Variants in GALNT13 observed in about 807,000 individuals in gnomAD.
GALNT13 encodes polypeptide N-acetylgalactosaminyltransferase 13, also known as UDP-GalNAc:polypeptide N-acetylgalactosaminyltransferase 13.
A neutral mutation model predicts 64.2 loss-of-function variants in GALNT13; 28 were observed. The observed-to-expected ratio is 0.44, with a 90% CI of 0.32 to 0.60. The LOEUF (loss-of-function observed/expected upper bound fraction) is 0.60. GALNT13 is among the 20% of genes least tolerant of loss of function. The pLI is 0.05. For missense variants in GALNT13, 577 were observed against 669.8 expected, an observed-to-expected ratio of 0.86 and a Z score of 1.53; for synonymous variants, 214 against 224.6, an observed-to-expected ratio of 0.95 and a Z score of 0.42.
rs143509562 is a variant in GALNT13 at position 154,252,653 on chromosome 2, G to A, written c.858-6368G>A. On this transcript the variant is annotated intron_variant, in intron 7 of 12. Transcript: ENST00000392825. ...TTACAGGCGTGAGCCACCACTCCCC[G>A]CTAGGAAAAATGTATTTCTAATTAA... Among the ~76,000 whole-genome samples the A allele has an allele frequency of 2.4e-3, 358 of 152,026 alleles. 1 individual carries two copies. The highest frequency in any genetic ancestry group is 0.017 in the Middle Eastern group (5 of 294).
At chr2:153,643,294 A>G in the GALNT13 span, among the ~76,000 whole-genome samples, 13 of 151,526 alleles carry the variant, frequency 8.6e-5, no homozygotes, top group Admixed American at 8.6e-4. Flanking sequence ...AAAAATAAGC[A>G]ATACTTTAGG....
the GALNT13 span, among the ~76,000 whole-genome samples, chr2:153,215,643 C>T: frequency 2.6e-3 from 399 of 152,078 alleles, no homozygotes; most frequent in African/African-American, 9.2e-3. Flanking sequence ...GATGCTTTCT[C>T]TAGTATTCTG....
chr2:153,210,253 C>G, the GALNT13 span, among the ~76,000 whole-genome samples: 1 of 152,042 alleles, frequency 6.6e-6, no homozygotes, highest in Non-Finnish European at 1.5e-5. Context: ...TGCTTTGCTT[C>G]CAGTCTTAAG....
the GALNT13 span, among the ~76,000 whole-genome samples, chr2:153,584,292 A>G: frequency 7.2e-5 from 11 of 152,156 alleles, no homozygotes; most frequent in Non-Finnish European, 1.5e-4. Flanking sequence ...GTCCAATTTC[A>G]CTGCTCCCCT....
At chr2:153,714,456 A>G in the GALNT13 span, among the ~76,000 whole-genome samples, 1 of 152,174 alleles carries the variant, frequency 6.6e-6, no homozygotes, top group Admixed American at 6.5e-5. Context: ...TGCTCCCCAC[A>G]TTCAAGAAAA....
chr2:153,221,867 C>A, the GALNT13 span, among the ~76,000 whole-genome samples: 18 of 152,196 alleles, frequency 1.2e-4, no homozygotes, highest in Non-Finnish European at 2.5e-4. Context: ...GAAGGGAATG[C>A]AGTGGCACCC....
intron 3 of GALNT13, among the ~76,000 whole-genome samples, chr2:154,082,709 G>T (rs529195556): frequency 6.6e-6 from 1 of 151,352 alleles, no homozygotes; most frequent in Admixed American, 6.6e-5. Context: ...CTCTGCTTCA[G>T]ACTCACCTTT....
the GALNT13 span, among the ~76,000 whole-genome samples, chr2:153,653,416 A>C: frequency 1.3e-5 from 2 of 152,204 alleles, no homozygotes; most frequent in East Asian, 3.8e-4. Flanking sequence ...CATGACCTTG[A>C]GTGAGAAATT....
At chr2:153,460,360 T>G in the GALNT13 span, among the ~76,000 whole-genome samples, 2 of 152,124 alleles carry the variant, frequency 1.3e-5, no homozygotes, top group African/African-American at 4.8e-5. Context: ...CAACTCATAC[T>G]GATAAATGTA....
the GALNT13 span, among the ~76,000 whole-genome samples, chr2:153,776,167 A>G: frequency 6.6e-6 from 1 of 152,246 alleles, no homozygotes; most frequent in Admixed American, 6.5e-5. Flanking sequence ...AAATAAATCA[A>G]AAAACAAATA....
At chr2:154,393,285 G>A (rs1698881539) in intron 9 of GALNT13, among the ~76,000 whole-genome samples, 1 of 152,128 alleles carries the variant, frequency 6.6e-6, no homozygotes, top group African/African-American at 2.4e-5. Flanking sequence ...CCATCTTGTA[G>A]CTGCACCCAC....
chr2:153,982,052 TC>T (rs1476010086), intron 3 of GALNT13, among the ~76,000 whole-genome samples: 3 of 152,120 alleles, frequency 2.0e-5, no homozygotes, highest in African/African-American at 4.8e-5. Flanking sequence ...AAAGGTAATT[TC>T]AGCTTTCTGA....
At chr2:154,103,017 G>C (rs966864541) in intron 3 of GALNT13, among the ~76,000 whole-genome samples, 3 of 151,864 alleles carry the variant, frequency 2.0e-5, no homozygotes, top group Non-Finnish European at 4.4e-5. Context: ...GTATTTTCCA[G>C]GTGTTCTCTG....
At chr2:153,521,151 T>A in the GALNT13 span, among the ~76,000 whole-genome samples, 3 of 152,248 alleles carry the variant, frequency 2.0e-5, no homozygotes, top group Non-Finnish European at 4.4e-5. Flanking sequence ...ATGTTACAGA[T>A]GTTTTAAAGC....
At chr2:153,276,717 T>C in the GALNT13 span, among the ~76,000 whole-genome samples, 2 of 152,156 alleles carry the variant, frequency 1.3e-5, no homozygotes, top group African/African-American at 2.4e-5. Context: ...CCCTCTTATA[T>C]TGGATGTTTT....
At chr2:154,064,464 AC>A (rs1216324376) in intron 3 of GALNT13, among the ~76,000 whole-genome samples, 4 of 152,034 alleles carry the variant, frequency 2.6e-5, no homozygotes, top group Non-Finnish European at 5.9e-5. Flanking sequence ...CACAGCTCTG[AC>A]GGCTTATTTC....
chr2:153,130,339 C>T, the GALNT13 span, among the ~76,000 whole-genome samples: 3 of 152,162 alleles, frequency 2.0e-5, no homozygotes, highest in African/African-American at 7.2e-5. Context: ...GTCAAGTTAC[C>T]TATGAGAGAG....
chr2:153,534,704 C>T, the GALNT13 span, among the ~76,000 whole-genome samples: 1 of 151,276 alleles, frequency 6.6e-6, no homozygotes, highest in African/African-American at 2.4e-5. Flanking sequence ...GTGGGGGTCG[C>T]AAGGTGCTCA....
the GALNT13 span, among the ~76,000 whole-genome samples, chr2:153,598,155 G>A: frequency 6.6e-6 from 1 of 152,062 alleles, no homozygotes; most frequent in Non-Finnish European, 1.5e-5. Flanking sequence ...GCCCTCTAAT[G>A]GCTTCCTATT....
Sources: gnomAD v4.1 joint callset for allele counts (sites outside exome capture counted in the v4.1 genomes callset) on GRCh38, gnomAD v4.1.1 for gene constraint, MANE v1.5 for transcripts, NCBI Gene and HGNC (gene_info 2026-07-23, HGNC 2026-07-21) for gene names.